The following PRDM7 variants were observed in gnomAD, a reference collection of about 807,000 sequenced individuals.
PRDM7 encodes PR/SET domain 7.
Under a neutral mutation model 64.3 loss-of-function variants are expected in PRDM7, and 52 were observed. The observed-to-expected ratio is 0.81, with a 90% CI of 0.65 to 1.02. The LOEUF (loss-of-function observed/expected upper bound fraction) is 1.02, where lower values mean the gene tolerates loss of function less well. Ranked by LOEUF, PRDM7 falls within the 50% of genes least tolerant of loss-of-function variation. The probability of loss-of-function intolerance (pLI) is 0.00; values close to 1 mark genes in which losing one functional copy is unlikely to be tolerated. For missense variants in PRDM7, 574 were observed against 597.1 expected (o/e 0.96, Z 0.40); for synonymous variants, 192 against 210.1 (o/e 0.91, Z 0.74).
At chr16:90,062,295 G>A (rs1775522729) in intron 7 of PRDM7, 103 bp from the exon 8 acceptor site, 17 of 1,613,570 alleles carry the variant, frequency 1.1e-5, no homozygotes, top group African/African-American at 9.3e-5. Context: ...CCCCAATCCT[G>A]TACTTTAATT....
chr16:90,064,538 C>G (rs531141148), intron 5 of PRDM7, among the ~76,000 whole-genome samples: 25 of 151,954 alleles, frequency 1.6e-4, no homozygotes, highest in African/African-American at 4.6e-4. Context: ...CTCAGCCTCC[C>G]GAGAAGCTAG....
intron 4 of PRDM7, among the ~76,000 whole-genome samples, chr16:90,068,148 G>A (rs1454618954): frequency 2.0e-5 from 3 of 149,506 alleles, no homozygotes; most frequent in African/African-American, 7.5e-5. Flanking sequence ...GCATGGTGGC[G>A]GGCACCTATA....
At position 90,074,904 on chromosome 16, in the gene PRDM7, C is replaced by A. The variant is rs375076762; in HGVS notation, c.301+12G>T. ...TTAAAAAAAAAAAAATCCTCCTTCC[C>A]TTCCCTCTTACCTTGCTGCCTAGGT... is the stretch of plus-strand genomic sequence containing the variant. On this transcript the variant is annotated intron_variant, in intron 4 of 10. Coordinates refer to ENST00000449207, the MANE Select transcript of PRDM7 (RefSeq NM_001098173.2). 2.1e-5 allele frequency: 34 copies of A among 1,612,750 alleles called. No homozygotes were observed. The highest frequency in any genetic ancestry group is 6.7e-5 in the Admixed American group (4 of 59,948).
intron 5 of PRDM7, among the ~76,000 whole-genome samples, chr16:90,064,844 G>A (rs1306630795): frequency 4.0e-5 from 6 of 150,282 alleles, no homozygotes; most frequent in South Asian, 2.1e-4. Context: ...TCAGCCTCCC[G>A]AGTAGTTGGG....
Position 90,058,546 on chromosome 16 carries a change from A to C in PRDM7, c.1234-12T>G. 6.2e-7 allele frequency: 1 copy of C among 1,613,680 alleles called. No homozygotes were observed. The highest frequency in any genetic ancestry group is 1.1e-5 in the South Asian group (1 of 91,076). On this transcript the variant is annotated splice_polypyrimidine_tract_variant and intron_variant, in intron 10 of 10. Transcript: ENST00000449207. ...CTCTGGCTTTGGTTCTGAAAGAGGA[A>C]GTTTTTGGTCAGGGTAGATGTTTTG... is the stretch of plus-strand genomic sequence containing the variant.
chr16:90,075,679 G>A lies in PRDM7; in HGVS notation c.69+163C>T, dbSNP rs35256427. On this transcript the variant is annotated intron_variant, in intron 2 of 10. Coordinates refer to ENST00000449207, the MANE Select transcript of PRDM7 (RefSeq NM_001098173.2). The surrounding 1 kb of genome is among the most constrained non-coding windows in gnomAD (Gnocchi z 4.3). ...AGCTCTCTGCTGACACAGAGCAGTC[G>A]CTGATGCTAGTGTTCTTTTCTCCCC... 0.5 allele frequency among the ~76,000 whole-genome samples: 75,827 copies of A among 152,072 alleles called. 22,065 individuals carry two copies. Among genetic ancestry groups the A allele is most frequent in the Middle Eastern group, 0.77 (226 of 294 alleles).
intron 5 of PRDM7, 85 bp from the exon 6 acceptor site, chr16:90,063,853 G>C (rs958514566): frequency 2.7e-6 from 4 of 1,501,776 alleles, no homozygotes; most frequent in African/African-American, 2.8e-5. Flanking sequence ...TATGACTGTA[G>C]TTAATGTTCA....
In PRDM7 at chr16:90,069,729, A is replaced by G. The variant is rs190810522; in HGVS notation, c.302-2819T>C. 7.3e-5 allele frequency among the ~76,000 whole-genome samples: 11 copies of G among 151,258 alleles called. 1 individual carries two copies. Among genetic ancestry groups the G allele is most frequent in the Non-Finnish European group, 1.3e-4 (9 of 67,978 alleles). On this transcript the variant is annotated intron_variant, in intron 4 of 10. Transcript: ENST00000449207. ...CGAGACCAGCCAGGGCAACATAGTG[A>G]GACCTCTGTCTCAAAAAAAAGAAGA...
Position 90,062,406 on chromosome 16 carries a change from T to G in PRDM7, c.605A>C (p.Tyr202Ser). 1 of 1,613,914 alleles carries G rather than the reference T, an allele frequency of 6.2e-7. No homozygotes were observed. Among genetic ancestry groups the G allele is most frequent in the Non-Finnish European group, 8.5e-7 (1 of 1,179,818 alleles). The part of the protein sequence containing the change: ...KEISEPQDDD[Y>S]LYCEMCQNFF... ...TGGCTGAAAGGGTCACTCACAGAGG[T>G]AGTCATCATCCTGTGGCTCGCTGAT... The change falls in exon 7 of 11, where the codon TAC (tyrosine) becomes TCC (serine). Residue 202 changes from tyrosine (Y) to serine (S), a missense_variant. Coordinates refer to ENST00000449207, the MANE Select transcript of PRDM7 (RefSeq NM_001098173.2).
chr16:90,066,677 A>G (rs1597688309), intron 5 of PRDM7, among the ~76,000 whole-genome samples, 184 bp downstream of exon 5: 1 of 151,416 alleles, frequency 6.6e-6, no homozygotes, highest in South Asian at 2.1e-4. Flanking sequence ...AAAATAACCC[A>G]TGGTAGCGAT....
chr16:90,062,498 G>C lies in PRDM7; in HGVS notation c.513C>G (p.Leu171=), dbSNP rs2037799850. The change falls in exon 7 of 11, where the codon CTC becomes CTG. Residue 171 remains leucine (L), a synonymous_variant. Transcript: ENST00000449207. ...TCTTTCCTTCAGTCTCCTTCCTCCT[G>C]AGTTCTAGGTTGGAGAAGAGTAGAT... ...SGQHSRLKLE[L]RRKETEGKMY... 1 of 1,613,030 alleles carries C rather than the reference G, an allele frequency of 6.2e-7. No individual in the cohort carries two copies. Among genetic ancestry groups the C allele is most frequent in the Non-Finnish European group, 8.5e-7 (1 of 1,179,044 alleles).
rs1567881428 is a variant in PRDM7 at position 90,075,055 on chromosome 16, CG to C, written c.194-33del. 2.5e-6 allele frequency: 4 copies of C among 1,612,230 alleles called. No individual in the cohort carries two copies. The highest frequency in any genetic ancestry group is 3.4e-6 in the Non-Finnish European group (4 of 1,178,424). ...AGAAGCAAAAAATTTTGCTCTGAAACGGAAGAGCTGGGATGAGGAACAAAGG... is the reference window on the plus strand; with the variant it reads ...AGAAGCAAAAAATTTTGCTCTGAAACGAAGAGCTGGGATGAGGAACAAAGG... On this transcript the variant is annotated intron_variant, in intron 3 of 10. Transcript: ENST00000449207. This position sits in a 1 kb window ranked among gnomAD's most constrained non-coding sequence, Gnocchi z 4.3.
rs947729356 is a variant in PRDM7, at chr16:90,060,579, G to T, written c.995C>A (p.Ala332Asp). 1 of 1,614,130 alleles carries T rather than the reference G, an allele frequency of 6.2e-7. No homozygotes were observed. Among genetic ancestry groups the T allele is most frequent in the Admixed American group, 1.7e-5 (1 of 60,016 alleles). ...ARDDEEQNLVAFQYHRQIFYR... is the reference protein window; with the variant it reads ...ARDDEEQNLVDFQYHRQIFYR... ...GAAGATCTGCCTGTGGTACTGGAAG[G>T]CCACCAGGTTCTGCTCTTCATCATC... The change falls in exon 10 of 11, where the codon GCC (alanine) becomes GAC (aspartate). Residue 332 changes from alanine to aspartate, a missense_variant. Ala to Asp is a moderately radical substitution (Grantham distance 126). Transcript: ENST00000449207.
chr16:90,057,904 C>A lies in PRDM7; in HGVS notation c.*385G>T, dbSNP rs1597679368. 1.2e-5 allele frequency: 19 copies of A among 1,561,350 alleles called. No individual in the cohort carries two copies. In the East Asian group the frequency reaches 1.2e-4, roughly 10 times the overall value. ...TCCTCTGGTGAATGAGGAGGACTGA[C>A]TTCCGGCTAAAGCCCCGCTCACACT... On this transcript the variant is annotated 3_prime_UTR_variant, in exon 11 of 11. Coordinates refer to ENST00000449207, the MANE Select transcript of PRDM7 (RefSeq NM_001098173.2).
At chr16:90,061,885 G>A in intron 8 of PRDM7, 36 bp downstream of exon 8, 1 of 1,613,840 alleles carries the variant, frequency 6.2e-7, no homozygotes, top group African/African-American at 1.3e-5. Context: ...AGGGATGTGG[G>A]AAGACAGAAC....
In PRDM7 at chr16:90,074,984, C is replaced by T; in HGVS notation, c.233G>A (p.Arg78Lys). The T allele has an allele frequency of 6.2e-7, 1 of 1,614,124 alleles. No individual in the cohort carries two copies. Among genetic ancestry groups the T allele is most frequent in the Non-Finnish European group, 8.5e-7 (1 of 1,180,038 alleles). Residue 78 changes from arginine (R) to lysine (K), a missense_variant, in exon 4 of 11, where the codon AGG becomes AAG. Physicochemically the swap from Arg to Lys is conservative, Grantham distance 26 (BLOSUM62 2). Transcript: ENST00000449207. ...ATRPAFMCHR[R>K]QAIKLQVDDT... Reference sequence around the variant, plus strand: ...ATCCACCTGGAGTTTGATGGCCTGCCTTCGGTGACACATGAAAGCTGGTCG... The same window carrying T: ...ATCCACCTGGAGTTTGATGGCCTGCTTTCGGTGACACATGAAAGCTGGTCG...
rs751027306 is a variant in PRDM7, at chr16:90,075,843, A to G, written c.68T>C (p.Met23Thr). The change falls in exon 2 of 11, where the codon ATG becomes ACG. Residue 23 changes from methionine (M) to threonine (T), a missense_variant and splice_region_variant. Met to Thr is a moderately conservative substitution (Grantham distance 81). Transcript: ENST00000449207. The surrounding 1 kb of genome is among the most constrained non-coding windows in gnomAD (Gnocchi z 4.3). ...GGCTTCGCCTCCCCGACTTCTCACCATGGGCTTCCGCTCTGTTCTCTCTGT... is the reference window on the plus strand; with the variant it reads ...GGCTTCGCCTCCCCGACTTCTCACCGTGGGCTTCCGCTCTGTTCTCTCTGT... Reference protein sequence around the residue: ...GDTERTERKPMVKDAFKDISI... With the variant: ...GDTERTERKPTVKDAFKDISI... 7.4e-6 allele frequency: 12 copies of G among 1,613,724 alleles called. No homozygotes were observed. Among genetic ancestry groups the G allele is most frequent in the South Asian group, 1.1e-5 (1 of 90,978 alleles).
rs1271618886 is a variant in PRDM7, at chr16:90,057,249, T to A, written c.*1040A>T. 6.5e-6 allele frequency: 1 copy of A among 153,186 alleles called. No individual in the cohort carries two copies. The highest frequency in any genetic ancestry group is 6.4e-5 in the Admixed American group (1 of 15,506). 9.5% of individuals were successfully genotyped at this position (153,186 alleles called of 1,614,324 possible). ...GGAGACAGGGGGAGCCAAGGGGGAG[T>A]ATGGCAGCAGAGGAGAGGGGTCCAT... On this transcript the variant is annotated 3_prime_UTR_variant, in exon 11 of 11. Coordinates refer to ENST00000449207, the MANE Select transcript of PRDM7 (RefSeq NM_001098173.2).
intron 8 of PRDM7, 117 bp from the exon 9 acceptor site, chr16:90,061,636 C>T: frequency 7.9e-7 from 1 of 1,273,568 alleles, no homozygotes; most frequent in Non-Finnish European, 1.1e-6. Flanking sequence ...CAACTGAGAC[C>T]ACATGGCATG....
Sources: gnomAD v4.1 joint callset for allele counts (sites outside exome capture counted in the v4.1 genomes callset) on GRCh38, gnomAD v4.1.1 for gene constraint, Gnocchi (gnomAD v3.1) non-coding constraint, MANE v1.5 for transcripts, NCBI Gene and HGNC (gene_info 2026-07-23, HGNC 2026-07-21) for gene names.